Variants in PBRM1 observed in about 807,000 individuals in gnomAD.
PBRM1 encodes polybromo 1.
PBRM1 carries 27 observed loss-of-function variants against 194.5 expected under a neutral mutation model. The observed-to-expected ratio is 0.14, with a 90% CI of 0.10 to 0.19. The LOEUF is 0.19. Ranked by LOEUF, PBRM1 falls within the 10% of genes least tolerant of loss-of-function variation. The pLI, the probability that PBRM1 is intolerant of heterozygous loss-of-function variation, is 1.00. For missense variants in PBRM1, 1,466 were observed against 2,077.2 expected (o/e 0.71, Z 5.72); for synonymous variants, 655 against 693.2 (o/e 0.94, Z 0.87).
At chr3:52,598,266 C>T (rs1442081328) in intron 17 of PBRM1, among the ~76,000 whole-genome samples, 1 of 152,154 alleles carries the variant, frequency 6.6e-6, no homozygotes, top group Non-Finnish European at 1.5e-5. Context: ...TAGTGTTGTG[C>T]AACCATAACC....
chr3:52,654,190 C>T (rs1482691797), intron 5 of PBRM1, among the ~76,000 whole-genome samples: 2 of 152,192 alleles, frequency 1.3e-5, no homozygotes, highest in South Asian at 2.1e-4. Flanking sequence ...CTGAAGCCCA[C>T]GCAGCAACAA....
chr3:52,598,468 TACTTC>T (rs1414722998), intron 17 of PBRM1, among the ~76,000 whole-genome samples: 2 of 152,256 alleles, frequency 1.3e-5, no homozygotes, highest in Non-Finnish European at 1.5e-5. Flanking sequence ...CAGTTTGGCT[TACTTC>T]ACTTATCATA....
At chr3:52,625,009 C>T (rs1295710561) in intron 13 of PBRM1, 68 bp from the exon 15 acceptor site, 3 of 1,034,340 alleles carry the variant, frequency 2.9e-6, no homozygotes, top group African/African-American at 3.2e-5. Context: ...GGGTCATGTA[C>T]AAACCATGTA....
intron 10 of PBRM1, among the ~76,000 whole-genome samples, chr3:52,638,933 C>A (rs2095942299): frequency 8.2e-6 from 1 of 122,174 alleles, no homozygotes; most frequent in Non-Finnish European, 1.6e-5. Context: ...TTCTAGAAAT[C>A]TGGTCATCTA....
chr3:52,651,649 C>CA, intron 6 of PBRM1, 93 bp downstream of exon 7: 1 of 633,482 alleles, frequency 1.6e-6, no homozygotes, highest in Non-Finnish European at 2.7e-6. Context: ...CTTACAGAGA[C>CA]AACTAGCTTC....
At chr3:52,586,811 C>T (rs2092461456) in intron 19 of PBRM1, 123 bp from the exon 22 acceptor site, 2 of 686,430 alleles carry the variant, frequency 2.9e-6, no homozygotes, top group Admixed American at 2.8e-5. Flanking sequence ...TGATTACAGA[C>T]TTTCTGGCAG....
At chr3:52,548,203 G>C in exon 30 of PBRM1, 1 of 1,597,316 alleles carries the variant, frequency 6.3e-7, no homozygotes, top group Non-Finnish European at 8.5e-7. Flanking sequence ...CGGCTCTCCT[G>C]TTCTTTCGAC....
At chr3:52,631,749 G>A (rs1160645356) in intron 11 of PBRM1, among the ~76,000 whole-genome samples, 1 of 152,022 alleles carries the variant, frequency 6.6e-6, no homozygotes, top group Admixed American at 6.6e-5. Flanking sequence ...AGGCACAGCG[G>A]GACCAATTAA....
chr3:52,599,655 CA>C (rs71615864), intron 17 of PBRM1, among the ~76,000 whole-genome samples: 16,021 of 122,942 alleles, frequency 0.13, 2,228 homozygotes, highest in African/African-American at 0.38. Flanking sequence ...ACTAAAAATA[CA>C]AAAAAAAAAA....
At chr3:52,551,808 C>T (rs1001955800) in intron 27 of PBRM1, 6 of 152,290 alleles carry the variant, frequency 3.9e-5, no homozygotes, top group African/African-American at 1.2e-4. Context: ...GATTAAAAAT[C>T]GTAATATTTT....
upstream of PBRM1, among the ~76,000 whole-genome samples, chr3:52,684,506 A>C (rs1043584422): frequency 6.6e-6 from 1 of 152,220 alleles, no homozygotes; most frequent in African/African-American, 2.4e-5. Flanking sequence ...AGGAAAAAAA[A>C]CACCTATAAA....
intron 27 of PBRM1, among the ~76,000 whole-genome samples, chr3:52,552,968 T>C (rs557871738): frequency 1.2e-4 from 18 of 152,362 alleles, no homozygotes; most frequent in African/African-American, 3.4e-4. Flanking sequence ...TGTGGAATTA[T>C]GGCCATATTC....
intron 2 of PBRM1, among the ~76,000 whole-genome samples, chr3:52,676,632 T>C (rs1414519046): frequency 2.0e-5 from 3 of 152,040 alleles, no homozygotes; most frequent in African/African-American, 4.8e-5. Flanking sequence ...ACCAGTAGAG[T>C]TGGGCGCTGC....
At chr3:52,685,318 T>C (rs2154091837) in intron 1 of PBRM1, 1 of 152,146 alleles carries the variant, frequency 6.6e-6, no homozygotes, top group South Asian at 2.1e-4. Context: ...TCCCATTGAT[T>C]AAAATACCCG....
intron 9 of PBRM1, 135 bp from the exon 11 acceptor site, chr3:52,642,180 T>A (rs2096118594): frequency 1.6e-6 from 1 of 629,974 alleles, no homozygotes; most frequent in East Asian, 2.7e-5. Flanking sequence ...CCTTAGTTTA[T>A]CTCTGTACTT....
intron 18 of PBRM1, among the ~76,000 whole-genome samples, chr3:52,587,791 T>C (rs1310628895): frequency 1.5e-5 from 1 of 65,952 alleles, no homozygotes; most frequent in African/African-American, 6.7e-5. Context: ...ACTGTGCTTA[T>C]TTTTACAGCT....
chr3:52,566,016 C>T (rs2085095026), intron 22 of PBRM1, among the ~76,000 whole-genome samples: 1 of 152,074 alleles, frequency 6.6e-6, no homozygotes, highest in Admixed American at 6.6e-5. Context: ...CGCCACTGCA[C>T]TCCAGCCTGG....
intron 17 of PBRM1, among the ~76,000 whole-genome samples, chr3:52,590,067 C>T (rs919958627): frequency 1.3e-5 from 2 of 151,968 alleles, no homozygotes; most frequent in East Asian, 3.9e-4. Context: ...ACCTGAGATC[C>T]GCCTGCCTCA....
intron 16 of PBRM1, among the ~76,000 whole-genome samples, chr3:52,605,160 G>A (rs1341294229): frequency 2.6e-5 from 4 of 152,152 alleles, no homozygotes; most frequent in African/African-American, 2.4e-5. Flanking sequence ...CTGGAGTGCA[G>A]TGGCGTGATC....
Sources: gnomAD v4.1 joint callset for allele counts (sites outside exome capture counted in the v4.1 genomes callset) on GRCh38, gnomAD v4.1.1 for gene constraint, MANE v1.5 for transcripts, NCBI Gene and HGNC (gene_info 2026-07-23, HGNC 2026-07-21) for gene names.